PCDH15: variants seen among roughly 807,000 people sequenced by gnomAD.
PCDH15 encodes the protein protocadherin-15.
PCDH15 carries 129 observed loss-of-function variants against 178.5 expected under a neutral mutation model. That is an observed-to-expected ratio of 0.72 (90% CI 0.63 to 0.84). PCDH15 has a LOEUF of 0.84. PCDH15 is among the 40% of genes least tolerant of loss of function. The pLI, the probability that PCDH15 is intolerant of heterozygous loss-of-function variation, is 0.00. For missense variants in PCDH15, 2,230 were observed against 2,099.9 expected, an observed-to-expected ratio of 1.06 and a Z score of -1.21; for synonymous variants, 800 against 732.0, an observed-to-expected ratio of 1.09 and a Z score of -1.50.
At chr10:55,158,973 A>G (rs1236418278) in intron 2 of PCDH15, among the ~76,000 whole-genome samples, 1 of 151,920 alleles carries the variant, frequency 6.6e-6, no homozygotes, top group Non-Finnish European at 1.5e-5. Flanking sequence ...TTTTTAAAAT[A>G]TCACCTAATT....
intron 28 of PCDH15, among the ~76,000 whole-genome samples, chr10:53,846,531 AT>A (rs34563701): frequency 0.19 from 29,162 of 151,688 alleles, 3,173 homozygotes; most frequent in Non-Finnish European, 0.26. Flanking sequence ...TATTTAACTG[AT>A]TTTTTTTCCT....
chr10:54,269,650 T>G (rs2057922818), intron 8 of PCDH15, among the ~76,000 whole-genome samples: 1 of 152,008 alleles, frequency 6.6e-6, no homozygotes, highest in Admixed American at 6.6e-5. Flanking sequence ...TTCCATTTGT[T>G]AAAATTTGAT....
At chr10:55,088,466 G>T (rs1200520702) in intron 2 of PCDH15, among the ~76,000 whole-genome samples, 1 of 151,816 alleles carries the variant, frequency 6.6e-6, no homozygotes, top group African/African-American at 2.4e-5. Flanking sequence ...TAAAGATGTG[G>T]TCTTACCCTG....
chr10:55,513,566 A>T (rs1426086865), intron 2 of PCDH15, among the ~76,000 whole-genome samples: 1 of 152,156 alleles, frequency 6.6e-6, no homozygotes, highest in Non-Finnish European at 1.5e-5. Context: ...AACAATGTAC[A>T]TAAGTTATTT....
At chr10:55,341,805 A>ATTTTTTT (rs869187882) in intron 2 of PCDH15, among the ~76,000 whole-genome samples, 18 of 16,304 alleles carry the variant, frequency 1.1e-3, no homozygotes, top group Non-Finnish European at 1.5e-3. Context: ...ATATATATAT[A>ATTTTTTT]TTTTTTTTTT....
At chr10:54,582,224 A>G (rs763311711) in intron 2 of PCDH15, among the ~76,000 whole-genome samples, 13 of 152,156 alleles carry the variant, frequency 8.5e-5, no homozygotes, top group Non-Finnish European at 8.8e-5. Context: ...AAAAACTTAA[A>G]CAAATTTACA....
chr10:54,989,793 G>A (rs1839457201), intron 2 of PCDH15, among the ~76,000 whole-genome samples: 1 of 152,114 alleles, frequency 6.6e-6, no homozygotes, highest in South Asian at 2.1e-4. Flanking sequence ...CATTTGGGAG[G>A]GGCCAGGGGA....
At chr10:54,536,875 C>T (rs1317627417) in intron 2 of PCDH15, among the ~76,000 whole-genome samples, 4 of 151,968 alleles carry the variant, frequency 2.6e-5, no homozygotes, top group Non-Finnish European at 4.4e-5. Context: ...ATGTGCAGCA[C>T]GTTTCCTTTA....
chr10:53,822,952 G>A lies in PCDH15; in HGVS notation c.4368-2722C>T, dbSNP rs773753270. On this transcript the variant is annotated intron_variant, in intron 32 of 37. Transcript: ENST00000644397. ...CACTGCTGCAGATCTATGATCTCTG[G>A]TCTATTTGGAACTTTCCTCATCAGC... The A allele has an allele frequency of 2.3e-5, 37 of 1,613,860 alleles. No homozygotes were observed. Among genetic ancestry groups the A allele is most frequent in the Admixed American group, 1.5e-4 (9 of 59,974 alleles).
chr10:55,196,390 C>G (rs753730861), intron 1 of PCDH15, among the ~76,000 whole-genome samples: 4 of 152,050 alleles, frequency 2.6e-5, no homozygotes, highest in Non-Finnish European at 4.4e-5. Flanking sequence ...TGAACTCATC[C>G]TGCTAGATCT....
intron 2 of PCDH15, among the ~76,000 whole-genome samples, chr10:54,559,200 A>T (rs1218202404): frequency 6.6e-6 from 1 of 152,098 alleles, no homozygotes; most frequent in African/African-American, 2.4e-5. Context: ...AAAATATATA[A>T]TAAGGATAGA....
At chr10:53,889,027 A>T (rs944336234) in intron 26 of PCDH15, among the ~76,000 whole-genome samples, 2 of 134,688 alleles carry the variant, frequency 1.5e-5, no homozygotes, top group South Asian at 4.4e-4. Flanking sequence ...CATGGGAAAT[A>T]AAAAAAAAAA....
At position 54,289,116 on chromosome 10, in the gene PCDH15, C is replaced by T. The variant is rs542210900; in HGVS notation, c.876+28155G>A. On this transcript the variant is annotated intron_variant, in intron 8 of 37. Transcript: ENST00000644397. Reference sequence around the variant, plus strand: ...ACTGGGAGACACCTCCCAGTACGGGCTGACAGACACCTCATATAGGCAGGT... The same window carrying T: ...ACTGGGAGACACCTCCCAGTACGGGTTGACAGACACCTCATATAGGCAGGT... Among the ~76,000 whole-genome samples, 93 of 152,300 alleles carry T rather than the reference C, an allele frequency of 6.1e-4. 2 individuals are homozygous for T. Among genetic ancestry groups the T allele is most frequent in the African/African-American group, 2.1e-3 (89 of 41,576 alleles).
chr10:55,030,808 A>G (rs1446672114), intron 2 of PCDH15, among the ~76,000 whole-genome samples: 2 of 152,212 alleles, frequency 1.3e-5, no homozygotes, highest in Non-Finnish European at 2.9e-5. Flanking sequence ...GATCAGAATA[A>G]TGATGTTTGC....
At chr10:55,241,957 T>C (rs1315927338) in intron 1 of PCDH15, among the ~76,000 whole-genome samples, 1 of 152,200 alleles carries the variant, frequency 6.6e-6, no homozygotes, top group Non-Finnish European at 1.5e-5. Context: ...TGTCTCTGCA[T>C]GAGAGTGAAG....
chr10:55,511,885 A>G (rs945332754), intron 2 of PCDH15, among the ~76,000 whole-genome samples: 1 of 152,116 alleles, frequency 6.6e-6, no homozygotes, highest in Admixed American at 6.6e-5. Context: ...CCACTCATAC[A>G]TTTTCATTGG....
chr10:54,472,701 G>A (rs745957197), intron 3 of PCDH15, among the ~76,000 whole-genome samples: 5 of 152,066 alleles, frequency 3.3e-5, no homozygotes, highest in East Asian at 1.9e-4. Context: ...GTGGATTGTC[G>A]TCAGGAAGGA....
chr10:54,714,448 C>T (rs1041213247), intron 1 of PCDH15, among the ~76,000 whole-genome samples: 14 of 152,142 alleles, frequency 9.2e-5, no homozygotes, highest in African/African-American at 3.1e-4. Flanking sequence ...GTTTAAGCTT[C>T]ACTCTTTATC....
intron 3 of PCDH15, among the ~76,000 whole-genome samples, chr10:54,416,558 C>CT (rs763886486): frequency 2.6e-5 from 4 of 152,122 alleles, no homozygotes; most frequent in South Asian, 2.1e-4. Context: ...CATGACTTTG[C>CT]TATTGTAAAT....
Sources: gnomAD v4.1 joint callset for allele counts (sites outside exome capture counted in the v4.1 genomes callset) on GRCh38, gnomAD v4.1.1 for gene constraint, MANE v1.5 for transcripts, NCBI Gene and HGNC (gene_info 2026-07-23, HGNC 2026-07-21) for gene names.